Variants in APP observed in about 807,000 individuals in gnomAD.
APP encodes the protein amyloid-beta precursor protein.
APP carries 31 observed loss-of-function variants against 101.4 expected under a neutral mutation model. The ratio of observed to expected loss-of-function variants is 0.31; its 90% CI spans 0.23 to 0.41. The LOEUF is 0.41. Ranked by LOEUF, APP falls within the 10% of genes least tolerant of loss-of-function variation. APP has a pLI of 1.00. For synonymous variants in APP, 366 were observed against 364.4 expected (o/e 1.00, Z -0.05); for missense variants, 839 against 1,003.7 (o/e 0.84, Z 2.22).
chr21:26,059,048 T>A (rs1473811967), intron 3 of APP, among the ~76,000 whole-genome samples: 1 of 150,842 alleles, frequency 6.6e-6, no homozygotes, highest in Non-Finnish European at 1.5e-5. Context: ...GCCACTGCAC[T>A]CCAGCCTGGG....
chr21:25,903,581 C>G (rs1466460570), intron 15 of APP, among the ~76,000 whole-genome samples: 1 of 151,870 alleles, frequency 6.6e-6, no homozygotes, highest in Non-Finnish European at 1.5e-5. Flanking sequence ...AGAGAAGCAC[C>G]ATGAAAAAAG....
chr21:25,883,753 C>T (rs754134836), intron 17 of APP, among the ~76,000 whole-genome samples: 54 of 152,186 alleles, frequency 3.5e-4, no homozygotes, highest in Non-Finnish European at 7.2e-4. Context: ...GTGGTCCCTT[C>T]GGATAGCCCC....
rs183387127 is a variant in APP at position 26,010,260 on chromosome 21, A to G, written c.866-10078T>C. 2.6e-5 allele frequency among the ~76,000 whole-genome samples: 4 copies of G among 152,144 alleles called. No homozygotes were observed. The East Asian group carries it at 5.8e-4, about 22-fold the overall frequency. ...AAAACTAGGAAAGCAGTTTACCTCC[A>G]TATCTCACTGTCTACATGGCAAATA... On this transcript the variant is annotated intron_variant, in intron 6 of 17. Transcript: ENST00000346798.
chr21:26,170,101 C>T (rs182902403), intron 1 of APP, among the ~76,000 whole-genome samples: 1 of 152,238 alleles, frequency 6.6e-6, no homozygotes, highest in East Asian at 1.9e-4. Flanking sequence ...TGTCCCGACT[C>T]CTCCTCCTCC....
In APP at chr21:26,163,249, A is replaced by C. The variant is rs994370922; in HGVS notation, c.57+7315T>G. On this transcript the variant is annotated intron_variant, in intron 1 of 17. Transcript: ENST00000346798. Reference sequence around the variant, plus strand: ...AGTAAAACTCAGTCTCAAAAAAAAAAAAAAAAAAAAAAAAAAAAATCACCA... The same window carrying C: ...AGTAAAACTCAGTCTCAAAAAAAAACAAAAAAAAAAAAAAAAAAATCACCA... 6.4e-4 allele frequency among the ~76,000 whole-genome samples: 94 copies of C among 146,452 alleles called. 1 individual carries two copies. Among genetic ancestry groups the C allele is most frequent in the Middle Eastern group, 3.5e-3 (1 of 286 alleles).
At chr21:26,064,420 T>C (rs1356607082) in intron 3 of APP, among the ~76,000 whole-genome samples, 1 of 152,208 alleles carries the variant, frequency 6.6e-6, no homozygotes, top group Non-Finnish European at 1.5e-5. Context: ...ATAAAGTCTA[T>C]TTTAAAAAAA....
chr21:25,996,004 GA>G (rs1387812231), intron 8 of APP, among the ~76,000 whole-genome samples: 2 of 151,510 alleles, frequency 1.3e-5, no homozygotes, highest in African/African-American at 4.9e-5. Flanking sequence ...AGTTACAACT[GA>G]AATTGTGCCT....
intron 1 of APP, among the ~76,000 whole-genome samples, chr21:26,144,728 T>C (rs915541098): frequency 1.3e-5 from 2 of 152,248 alleles, no homozygotes; most frequent in East Asian, 1.9e-4. Context: ...TCCACTAAAC[T>C]GCTTTCTTCT....
chr21:26,161,123 C>A (rs1030631801), intron 1 of APP, among the ~76,000 whole-genome samples: 6 of 152,130 alleles, frequency 3.9e-5, no homozygotes, highest in African/African-American at 7.2e-5. Flanking sequence ...TTAGTACATA[C>A]AAAATGTAAG....
chr21:26,026,517 C>T (rs1017997083), intron 5 of APP, among the ~76,000 whole-genome samples: 5 of 151,830 alleles, frequency 3.3e-5, no homozygotes, highest in South Asian at 2.1e-4. Context: ...ATGCAGGTGC[C>T]GCCTGATAAG....
At chr21:26,053,658 C>T (rs925303587) in intron 3 of APP, among the ~76,000 whole-genome samples, 1 of 152,170 alleles carries the variant, frequency 6.6e-6, no homozygotes, top group African/African-American at 2.4e-5. Context: ...AACCAATTAC[C>T]ATTCTACTAC....
intron 3 of APP, among the ~76,000 whole-genome samples, chr21:26,061,635 A>G (rs1754020625): frequency 6.6e-6 from 1 of 152,184 alleles, no homozygotes; most frequent in Non-Finnish European, 1.5e-5. Flanking sequence ...TGGGTTCTCA[A>G]AGAGGACATG....
At chr21:26,130,244 T>A (rs1358818071) in intron 1 of APP, among the ~76,000 whole-genome samples, 2 of 152,252 alleles carry the variant, frequency 1.3e-5, no homozygotes, top group South Asian at 2.1e-4. Context: ...ACTGCTTTTT[T>A]AAAAATTGCT....
chr21:25,980,153 G>A (rs1030786480), intron 9 of APP, among the ~76,000 whole-genome samples: 4 of 152,202 alleles, frequency 2.6e-5, no homozygotes, highest in Non-Finnish European at 4.4e-5. Flanking sequence ...GCAGCTTAAC[G>A]CTGTACAGAA....
At chr21:26,036,396 A>C (rs1475625443) in intron 5 of APP, among the ~76,000 whole-genome samples, 2 of 152,150 alleles carry the variant, frequency 1.3e-5, no homozygotes, top group Non-Finnish European at 2.9e-5. Flanking sequence ...AGAAATGGCA[A>C]AGGTAACCAA....
intron 1 of APP, among the ~76,000 whole-genome samples, chr21:26,136,872 G>A (rs1202352554): frequency 6.6e-6 from 1 of 152,208 alleles, no homozygotes; most frequent in Admixed American, 6.5e-5. Flanking sequence ...TCTCCGCTGA[G>A]AAACCACAAA....
At chr21:26,127,320 A>C (rs1255836123) in intron 1 of APP, among the ~76,000 whole-genome samples, 3 of 152,208 alleles carry the variant, frequency 2.0e-5, no homozygotes. Flanking sequence ...GTAGGTAAAG[A>C]CTTTCAAATT....
At chr21:25,965,672 G>A (rs550576095) in intron 11 of APP, among the ~76,000 whole-genome samples, 2 of 152,300 alleles carry the variant, frequency 1.3e-5, no homozygotes, top group African/African-American at 2.4e-5. Flanking sequence ...TAAAGCTTAT[G>A]CGAGATTGTG....
At chr21:26,008,124 A>C (rs1330146180) in intron 6 of APP, among the ~76,000 whole-genome samples, 9 of 152,196 alleles carry the variant, frequency 5.9e-5, no homozygotes, top group African/African-American at 2.2e-4. Flanking sequence ...TAGCCTTTTT[A>C]CTGAATTGCG....
Sources: gnomAD v4.1 joint callset for allele counts (sites outside exome capture counted in the v4.1 genomes callset) on GRCh38, gnomAD v4.1.1 for gene constraint, MANE v1.5 for transcripts, NCBI Gene and HGNC (gene_info 2026-07-23, HGNC 2026-07-21) for gene names.